The following ACSS3 variants were observed in gnomAD, a reference collection of about 807,000 sequenced individuals.
The protein encoded by ACSS3 is acyl-CoA synthetase short-chain family member 3, mitochondrial.
In ACSS3, 64 loss-of-function variants were observed where a neutral mutation model predicts 84.2. The observed-to-expected ratio is 0.76, with a 90% confidence interval of 0.62 to 0.94. The LOEUF (loss-of-function observed/expected upper bound fraction) is 0.94, where lower values mean the gene tolerates loss of function less well. Among genes scored for constraint, ACSS3 ranks in the 40% least tolerant of loss-of-function variants. The pLI is 0.00. For missense variants in ACSS3, 815 were observed against 867.6 expected (o/e 0.94, Z 0.76); for synonymous variants, 317 against 310.1 (o/e 1.02, Z -0.23).
intron 9 of ACSS3, among the ~76,000 whole-genome samples, chr12:81,212,845 A>C (rs2032647777): frequency 6.6e-6 from 1 of 152,168 alleles, no homozygotes; most frequent in South Asian, 2.1e-4. Context: ...GTCCTTTTTT[A>C]AAAACAAGGA....
chr12:81,077,907 T>A, upstream of ACSS3: 1 of 515,730 alleles, frequency 1.9e-6, no homozygotes, highest in Non-Finnish European at 3.3e-6. Flanking sequence ...AACGGCGCTG[T>A]GACACCCCTG....
At chr12:81,166,670 G>A (rs1407147823) in intron 7 of ACSS3, among the ~76,000 whole-genome samples, 1 of 152,190 alleles carries the variant, frequency 6.6e-6, no homozygotes, top group Non-Finnish European at 1.5e-5. Context: ...GGTGATCAGG[G>A]TATCATTAGC....
intron 8 of ACSS3, among the ~76,000 whole-genome samples, chr12:81,178,371 G>A (rs1366716407): frequency 6.7e-6 from 1 of 148,740 alleles, no homozygotes; most frequent in African/African-American, 2.5e-5. Context: ...GCTAAATGAC[G>A]AGTTAATGGG....
intron 12 of ACSS3, among the ~76,000 whole-genome samples, chr12:81,231,360 T>G (rs2033459604): frequency 6.6e-6 from 1 of 151,782 alleles, no homozygotes; most frequent in South Asian, 2.1e-4. Flanking sequence ...AATTTATTGG[T>G]TTTTCTTAGC....
chr12:81,137,321 T>TCA (rs57701806), intron 3 of ACSS3, among the ~76,000 whole-genome samples: 16,720 of 141,550 alleles, frequency 0.12, 950 homozygotes, highest in African/African-American at 0.14. Flanking sequence ...TTTTCATCCA[T>TCA]CACACACACA....
intron 9 of ACSS3, among the ~76,000 whole-genome samples, chr12:81,212,130 G>T (rs796102566): frequency 2.0e-4 from 31 of 152,206 alleles, no homozygotes; most frequent in African/African-American, 7.5e-4. Context: ...TTCATACTCA[G>T]TTTATGTTTC....
chr12:81,100,917 A>C (rs1051202321), intron 1 of ACSS3, among the ~76,000 whole-genome samples: 1 of 152,164 alleles, frequency 6.6e-6, no homozygotes, highest in African/African-American at 2.4e-5. Flanking sequence ...GCCATGCCTC[A>C]TTTCAAGTGG....
chr12:81,109,677 C>T lies in ACSS3; in HGVS notation c.429C>T (p.Thr143=). The T allele has an allele frequency of 6.2e-7, 1 of 1,605,260 alleles. No homozygotes were observed. ...YDSPVTNTKA[T]FTYKEVLEQV... The stretch of plus-strand genomic sequence containing the variant: ...GTCCTGTTACAAACACTAAAGCAAC[C>T]TTTACCTATAAAGAAGTTCTGGAGC... The change falls in exon 2 of 16, where the codon ACC becomes ACT. Residue 143 remains threonine, a synonymous_variant. Transcript: ENST00000548058.
intron 1 of ACSS3, among the ~76,000 whole-genome samples, chr12:81,090,759 C>T (rs967798527): frequency 3.9e-5 from 6 of 151,930 alleles, no homozygotes; most frequent in African/African-American, 1.4e-4. Flanking sequence ...TTTTATAATC[C>T]ATGGGTTTCC....
At chr12:81,107,513 T>C (rs12300159) in intron 1 of ACSS3, among the ~76,000 whole-genome samples, 739 of 14,542 alleles carry the variant, frequency 0.051, 20 homozygotes, top group African/African-American at 0.12. Context: ...AATATATACA[T>C]ATATATATAT....
At chr12:81,216,726 G>A (rs539045077) in intron 9 of ACSS3, among the ~76,000 whole-genome samples, 175 bp from the exon 10 acceptor site, 14 of 152,010 alleles carry the variant, frequency 9.2e-5, no homozygotes, top group Non-Finnish European at 2.1e-4. Flanking sequence ...CTGTGGATAT[G>A]TTATAAGTTA....
chr12:81,228,137 G>A (rs2033332802), intron 11 of ACSS3, among the ~76,000 whole-genome samples: 1 of 151,798 alleles, frequency 6.6e-6, no homozygotes, highest in African/African-American at 2.4e-5. Context: ...TTTAGGTTGG[G>A]CTTTTCATTG....
chr12:81,228,860 T>C (rs1370927334), intron 11 of ACSS3, among the ~76,000 whole-genome samples: 3 of 151,616 alleles, frequency 2.0e-5, no homozygotes, highest in African/African-American at 7.3e-5. Context: ...TGGACCAAAA[T>C]GTTTGATTTG....
rs147183254 is a variant in ACSS3 at position 81,201,632 on chromosome 12, G to A, written c.1354+2188G>A. Among the ~76,000 whole-genome samples, 64 of 152,252 alleles carry A rather than the reference G, an allele frequency of 4.2e-4. No homozygotes were observed. In the East Asian group the frequency reaches 5.8e-3, roughly 14 times the overall value. ...TTCCAAGGGAATTAATAGCTACATT[G>A]TGTCAGTGTGCTGTCACTGTAATCA... On this transcript the variant is annotated intron_variant, in intron 9 of 15. Coordinates refer to ENST00000548058, the MANE Select transcript of ACSS3 (RefSeq NM_024560.4).
At chr12:81,151,653 A>G (rs1886614781) in intron 5 of ACSS3, 191 bp from the exon 6 acceptor site, 2 of 497,026 alleles carry the variant, frequency 4.0e-6, no homozygotes, top group East Asian at 6.6e-5. Context: ...AATGAGGACA[A>G]ATTATTTTGT....
Position 81,108,174 on chromosome 12 carries a change from A to G in ACSS3, c.312-1386A>G, listed in dbSNP as rs1883237405. ...TCTGTGCTATGCTGTAGGTAATCAA[A>G]TTTGCTATTATTGAAATACATAGGG... On this transcript the variant is annotated intron_variant, in intron 1 of 15. Transcript: ENST00000548058. 2.0e-5 allele frequency among the ~76,000 whole-genome samples: 3 copies of G among 151,922 alleles called. No individual in the cohort carries two copies. The South Asian group carries it at 6.2e-4, about 32-fold the overall frequency.
In ACSS3 at chr12:81,216,902, G is replaced by C; in HGVS notation, c.1356G>C (p.Glu452Asp). The C allele has an allele frequency of 6.2e-7, 1 of 1,608,156 alleles. No individual in the cohort carries two copies. Among genetic ancestry groups the C allele is most frequent in the Admixed American group, 1.7e-5 (1 of 59,918 alleles). Residue 452 changes from glutamate (E) to aspartate (D), a missense_variant and splice_region_variant, in exon 10 of 16, where the codon GAG becomes GAC. Transcript: ENST00000548058. ...GATAAATAACATTTCTTTTTCCAGA[G>C]ACTGGATCTCCAATTACTGCGTCAT... Reference protein sequence around the residue: ...VPVLDHWWQTETGSPITASCV... With the variant: ...VPVLDHWWQTDTGSPITASCV...
chr12:81,128,574 C>T (rs1301136388), intron 2 of ACSS3, among the ~76,000 whole-genome samples: 1 of 152,028 alleles, frequency 6.6e-6, no homozygotes, highest in Admixed American at 6.6e-5. Context: ...AAGTTATTGA[C>T]AAATTTAAAA....
chr12:81,186,998 A>C, intron 8 of ACSS3, among the ~76,000 whole-genome samples: 1 of 151,820 alleles, frequency 6.6e-6, no homozygotes, highest in Non-Finnish European at 1.5e-5. Flanking sequence ...ACTGTGGTAC[A>C]TATATGCAAT....
Sources: gnomAD v4.1 joint callset for allele counts (sites outside exome capture counted in the v4.1 genomes callset) on GRCh38, gnomAD v4.1.1 for gene constraint, MANE v1.5 for transcripts, NCBI Gene and HGNC (gene_info 2026-07-23, HGNC 2026-07-21) for gene names.